TSC22D1: variants seen among roughly 807,000 people sequenced by gnomAD.
TSC22D1 encodes the protein TSC22 domain family protein 1.
In TSC22D1, 9 loss-of-function variants were observed where a neutral mutation model predicts 74.2. That is an observed-to-expected ratio of 0.12 (90% CI 0.07 to 0.21). The LOEUF is 0.21. Among genes scored for constraint, TSC22D1 ranks in the 10% least tolerant of loss-of-function variants. The probability of loss-of-function intolerance (pLI) is 1.00; values close to 1 mark genes in which losing one functional copy is unlikely to be tolerated. For synonymous variants in TSC22D1, 586 were observed against 492.5 expected, an observed-to-expected ratio of 1.19 and a Z score of -2.51; for missense variants, 1,427 against 1,304.7, an observed-to-expected ratio of 1.09 and a Z score of -1.44.
In TSC22D1 at chr13:44,574,335, C is replaced by A. The variant is rs371780581; in HGVS notation, c.1740G>T (p.Ser580=). The A allele has an allele frequency of 6.2e-7, 1 of 1,614,228 alleles. No homozygotes were observed. Among genetic ancestry groups the A allele is most frequent in the African/African-American group, 1.3e-5 (1 of 75,050 alleles). Residue 580 remains serine, a synonymous_variant, in exon 1 of 3, where the codon TCG becomes TCT. Transcript: ENST00000458659. ...TMSAATGIQP[S]PVNVVGVTSA... ...AAGTTACACCAACCACATTTACAGG[C>A]GATGGCTGGATACCAGTTGCAGCAC...
chr13:44,478,760 C>G (rs1046573208), intron 1 of TSC22D1, among the ~76,000 whole-genome samples: 2 of 152,054 alleles, frequency 1.3e-5, no homozygotes, highest in African/African-American at 4.8e-5. Flanking sequence ...GGACGCCACC[C>G]AGCAAGAGAG....
intron 1 of TSC22D1, among the ~76,000 whole-genome samples, chr13:44,503,520 C>T (rs529437873): frequency 6.6e-6 from 1 of 152,246 alleles, no homozygotes; most frequent in South Asian, 2.1e-4. Flanking sequence ...ATATTGTTGC[C>T]ATTGCTAATA....
At chr13:44,489,223 A>AAT (rs71202280) in intron 1 of TSC22D1, among the ~76,000 whole-genome samples, 52 of 147,868 alleles carry the variant, frequency 3.5e-4, no homozygotes, top group African/African-American at 1.1e-3. Context: ...AAAAAAAAAA[A>AAT]TCAGAAGAAT....
Position 44,434,610 on chromosome 13 carries a change from G to C in TSC22D1, c.*16C>G, listed in dbSNP as rs1194509070. 5 of 1,514,108 alleles carry C rather than the reference G, an allele frequency of 3.3e-6. No homozygotes were observed. Among genetic ancestry groups the C allele is most frequent in the Non-Finnish European group, 4.4e-6 (5 of 1,134,040 alleles). The allele number at this position is 1,514,108 out of a possible 1,614,324, so 93.8% of individuals were successfully genotyped here. A position where few individuals can be genotyped will look rare whatever the true frequency, so the allele number is the denominator to read the frequency against. ...CAGTTCACACGCAGCAGCCAGTTCT[G>C]CGGGGGCATAGGCAGCTATGCGGTT... is the stretch of plus-strand genomic sequence containing the variant. On this transcript the variant is annotated 3_prime_UTR_variant, in exon 3 of 3. Coordinates refer to ENST00000458659, the MANE Select transcript of TSC22D1 (RefSeq NM_183422.4).
At position 44,575,959 on chromosome 13, in the gene TSC22D1, G is replaced by A; in HGVS notation, c.116C>T (p.Ser39Phe). The stretch of plus-strand genomic sequence containing the variant: ...GCCGGTACCTGCTGCATTGAGAGCA[G>A]AGGCGCTGCCACTACCGCTGCCCCT... Reference protein sequence around the residue: ...PRRGSGSGSASALNAAGTGVG... With the variant: ...PRRGSGSGSAFALNAAGTGVG... The change falls in exon 1 of 3, where the codon TCT becomes TTT. Residue 39 changes from serine to phenylalanine, a missense_variant. Physicochemically the swap from Ser to Phe is radical, Grantham distance 155. Coordinates refer to ENST00000458659, the MANE Select transcript of TSC22D1 (RefSeq NM_183422.4). 1 of 1,607,798 alleles carries A rather than the reference G, an allele frequency of 6.2e-7. No individual in the cohort carries two copies. Among genetic ancestry groups the A allele is most frequent in the Admixed American group, 1.7e-5 (1 of 59,052 alleles).
chr13:44,455,214 G>A (rs1368168491), intron 1 of TSC22D1, among the ~76,000 whole-genome samples: 1 of 152,182 alleles, frequency 6.6e-6, no homozygotes, highest in African/African-American at 2.4e-5. Flanking sequence ...CTGAGAAAAT[G>A]AGTTTTGAGT....
chr13:44,539,675 T>C, intron 1 of TSC22D1: 1 of 1,162,146 alleles, frequency 8.6e-7, no homozygotes, highest in South Asian at 1.8e-5. Flanking sequence ...GGTTCTTAAA[T>C]GAACCCAAGG....
At chr13:44,551,699 G>A (rs1882289337) in intron 1 of TSC22D1, among the ~76,000 whole-genome samples, 2 of 152,110 alleles carry the variant, frequency 1.3e-5, no homozygotes, top group Non-Finnish European at 2.9e-5. Flanking sequence ...GGGATTACAG[G>A]TGTGAGCCAT....
chr13:44,558,355 G>C (rs546284861), intron 1 of TSC22D1, among the ~76,000 whole-genome samples: 1 of 152,140 alleles, frequency 6.6e-6, no homozygotes, highest in Non-Finnish European at 1.5e-5. Context: ...TCATTTCCCT[G>C]TCATATAATC....
rs1874122461 is a variant in TSC22D1, at chr13:44,432,448, T to C, written c.*2178A>G. On this transcript the variant is annotated 3_prime_UTR_variant, in exon 3 of 3. Coordinates refer to ENST00000458659, the MANE Select transcript of TSC22D1 (RefSeq NM_183422.4). ...TATTCCTTTATTAAATTTGAAGTTA[T>C]ATAACCAACAAGCCAATATGAAAGA... The C allele has an allele frequency of 6.6e-6, 1 of 152,262 alleles. No individual in the cohort carries two copies. Among genetic ancestry groups the C allele is most frequent in the African/African-American group, 2.4e-5 (1 of 41,476 alleles). The allele number at this position is 152,262 out of a possible 1,614,324, so 9.4% of individuals were successfully genotyped here.
At chr13:44,504,747 C>T (rs1023503645) in intron 1 of TSC22D1, among the ~76,000 whole-genome samples, 5 of 152,050 alleles carry the variant, frequency 3.3e-5, no homozygotes, top group Admixed American at 6.5e-5. Context: ...GTTGAAACAT[C>T]GGATTACCAC....
chr13:44,434,455 A>G lies in TSC22D1; in HGVS notation c.*171T>C, dbSNP rs1191013939. Reference sequence around the variant, plus strand: ...CCCAACTAAGAAATTTCTCCAAGCCATAAGCATATGAGTGTTTAATACTGG... The same window carrying G: ...CCCAACTAAGAAATTTCTCCAAGCCGTAAGCATATGAGTGTTTAATACTGG... On this transcript the variant is annotated 3_prime_UTR_variant, in exon 3 of 3. Transcript: ENST00000458659. The G allele has an allele frequency of 7.3e-7, 1 of 1,367,020 alleles. No individual in the cohort carries two copies. The highest frequency in any genetic ancestry group is 1.5e-5 in the African/African-American group (1 of 66,964). The allele number at this position is 1,367,020 out of a possible 1,614,324, so 84.7% of individuals were successfully genotyped here. A position where few individuals can be genotyped will look rare whatever the true frequency, so the allele number is the denominator to read the frequency against.
At chr13:44,543,333 A>C (rs1881597489) in intron 1 of TSC22D1, among the ~76,000 whole-genome samples, 2 of 152,216 alleles carry the variant, frequency 1.3e-5, no homozygotes, top group Admixed American at 1.3e-4. Flanking sequence ...ATGAAATAGA[A>C]GGCACTATGT....
At chr13:44,466,506 T>G (rs1189842385) in intron 1 of TSC22D1, among the ~76,000 whole-genome samples, 1 of 152,054 alleles carries the variant, frequency 6.6e-6, no homozygotes, top group East Asian at 1.9e-4. Context: ...TAGTGGCTCA[T>G]GCCTGTAATC....
intron 1 of TSC22D1, among the ~76,000 whole-genome samples, chr13:44,534,105 A>G (rs1164619219): frequency 6.6e-6 from 1 of 151,856 alleles, no homozygotes; most frequent in African/African-American, 2.4e-5. Context: ...GTGCATACCT[A>G]TAGTCCCAGC....
At chr13:44,559,414 T>C (rs1395739141) in intron 1 of TSC22D1, among the ~76,000 whole-genome samples, 2 of 152,216 alleles carry the variant, frequency 1.3e-5, no homozygotes, top group Non-Finnish European at 2.9e-5. Flanking sequence ...CCACCTTTTT[T>C]AAAAAGTAAT....
At chr13:44,551,544 C>T (rs1428559739) in intron 1 of TSC22D1, among the ~76,000 whole-genome samples, 2 of 151,942 alleles carry the variant, frequency 1.3e-5, no homozygotes, top group Admixed American at 1.3e-4. Context: ...CCTCAGCCTC[C>T]CAAGTAGCTG....
chr13:44,498,523 C>G (rs1879078169), intron 1 of TSC22D1, among the ~76,000 whole-genome samples: 1 of 152,120 alleles, frequency 6.6e-6, no homozygotes, highest in Non-Finnish European at 1.5e-5. Flanking sequence ...GGTTGGTATA[C>G]AGTTATACCA....
intron 1 of TSC22D1, among the ~76,000 whole-genome samples, chr13:44,506,028 T>C (rs1259741093): frequency 1.3e-5 from 2 of 152,148 alleles, no homozygotes; most frequent in Non-Finnish European, 2.9e-5. Context: ...TGGGGAATAA[T>C]AAGAGGTGAA....
Sources: gnomAD v4.1 joint callset for allele counts (sites outside exome capture counted in the v4.1 genomes callset) on GRCh38, gnomAD v4.1.1 for gene constraint, MANE v1.5 for transcripts, NCBI Gene and HGNC (gene_info 2026-07-23, HGNC 2026-07-21) for gene names.